The following CNTNAP5 variants were observed in gnomAD, a reference collection of about 807,000 sequenced individuals.
CNTNAP5 encodes contactin associated protein family member 5.
In CNTNAP5, 72 loss-of-function variants were observed where a neutral mutation model predicts 150.2. That is an observed-to-expected ratio of 0.48 (90% CI 0.40 to 0.58). CNTNAP5 has a LOEUF of 0.58. Ranked by LOEUF, CNTNAP5 falls within the 20% of genes least tolerant of loss-of-function variation. The probability of loss-of-function intolerance (pLI) is 0.00; values close to 1 mark genes in which losing one functional copy is unlikely to be tolerated. For synonymous variants in CNTNAP5, 672 were observed against 619.8 expected (o/e 1.08, Z -1.25); for missense variants, 1,636 against 1,626.2 (o/e 1.01, Z -0.10).
chr2:124,309,225 T>C (rs988987811), intron 3 of CNTNAP5, among the ~76,000 whole-genome samples: 6 of 152,152 alleles, frequency 3.9e-5, no homozygotes, highest in African/African-American at 1.4e-4. Context: ...TAACCTATCT[T>C]TGGACTGCAG....
At chr2:124,495,493 G>T (rs536466205) in intron 7 of CNTNAP5, among the ~76,000 whole-genome samples, 2 of 152,306 alleles carry the variant, frequency 1.3e-5, no homozygotes, top group South Asian at 4.1e-4. Context: ...CTGTTTACTG[G>T]TGCCTGTGCA....
chr2:124,293,254 T>C (rs1004626980), intron 3 of CNTNAP5, among the ~76,000 whole-genome samples: 2 of 152,132 alleles, frequency 1.3e-5, no homozygotes, highest in African/African-American at 4.8e-5. Flanking sequence ...CTTCCTCTAC[T>C]GTACTCAACA....
At chr2:124,906,557 CATCTTA>C in intron 22 of CNTNAP5, among the ~76,000 whole-genome samples, 1 of 152,064 alleles carries the variant, frequency 6.6e-6, no homozygotes, top group South Asian at 2.1e-4. Flanking sequence ...AAAGGTGGGA[CATCTTA>C]TTGCATTAAA....
At chr2:124,293,233 G>T (rs887149793) in intron 3 of CNTNAP5, among the ~76,000 whole-genome samples, 2 of 151,852 alleles carry the variant, frequency 1.3e-5, no homozygotes, top group African/African-American at 2.4e-5. Flanking sequence ...AGATCATTTA[G>T]GATAGTTCTA....
intron 19 of CNTNAP5, among the ~76,000 whole-genome samples, chr2:124,847,088 A>T: frequency 6.6e-6 from 1 of 152,200 alleles, no homozygotes; most frequent in East Asian, 1.9e-4. Context: ...AATGCATCAC[A>T]TGTGGCCCTA....
chr2:124,826,561 G>C (rs185949705), intron 19 of CNTNAP5, among the ~76,000 whole-genome samples: 4 of 152,076 alleles, frequency 2.6e-5, no homozygotes, highest in South Asian at 4.2e-4. Flanking sequence ...GGCTACACAG[G>C]GTTTGCAAAG....
chr2:124,629,283 T>A (rs919649375), intron 12 of CNTNAP5, among the ~76,000 whole-genome samples: 6 of 152,170 alleles, frequency 3.9e-5, no homozygotes, highest in African/African-American at 1.4e-4. Context: ...ACAGGGCACT[T>A]ACTCTAAAAT....
At chr2:124,198,807 G>A (rs1685651140) in intron 1 of CNTNAP5, among the ~76,000 whole-genome samples, 1 of 148,250 alleles carries the variant, frequency 6.7e-6, no homozygotes, top group East Asian at 2.0e-4. Flanking sequence ...TAGTCTATCT[G>A]GCATGTATTA....
In CNTNAP5 at chr2:124,074,511, G is replaced by A. The variant is rs539285641; in HGVS notation, c.82+48779G>A. Among the ~76,000 whole-genome samples the A allele has an allele frequency of 2.0e-3, 310 of 152,134 alleles. 1 individual carries two copies. The highest frequency in any genetic ancestry group is 7.3e-3 in the African/African-American group (301 of 41,516). ...AAAATTAAAAAACCATTATTTTAAAGGGAGCAAGTGAGAACAAGGAGAGGA... is the reference window on the plus strand; with the variant it reads ...AAAATTAAAAAACCATTATTTTAAAAGGAGCAAGTGAGAACAAGGAGAGGA... On this transcript the variant is annotated intron_variant, in intron 1 of 23. Coordinates refer to ENST00000682447, the MANE Select transcript of CNTNAP5 (RefSeq NM_001367498.1).
intron 12 of CNTNAP5, among the ~76,000 whole-genome samples, chr2:124,647,372 G>T (rs1322183034): frequency 2.6e-5 from 4 of 151,420 alleles, no homozygotes; most frequent in Non-Finnish European, 4.4e-5. Context: ...GACATCCTAG[G>T]CTCAAGTCCT....
chr2:124,653,917 C>CCCT lies in CNTNAP5; in HGVS notation c.2077+5961_2077+5962insTCC, dbSNP rs1553427445. Among the ~76,000 whole-genome samples, 2 of 137,036 alleles carry CCCT rather than the reference C, an allele frequency of 1.5e-5. 1 individual carries two copies. Among genetic ancestry groups the CCCT allele is most frequent in the South Asian group, 5.2e-4 (2 of 3,812 alleles). The allele number at this position is 137,036 out of a possible 152,430, so 89.9% of individuals were successfully genotyped here. On this transcript the variant is annotated intron_variant, in intron 13 of 23. Coordinates refer to ENST00000682447, the MANE Select transcript of CNTNAP5 (RefSeq NM_001367498.1). ...CATGCCCCCACTGCCCCCAACCCCC[C>CCCT]CCCCCCGCCACACACACACAATCAG... is the stretch of plus-strand genomic sequence containing the variant.
chr2:124,500,157 A>T (rs1450141156), intron 7 of CNTNAP5, among the ~76,000 whole-genome samples: 1 of 152,150 alleles, frequency 6.6e-6, no homozygotes, highest in Non-Finnish European at 1.5e-5. Flanking sequence ...TACTTTGCCA[A>T]GTCCACCAAT....
chr2:124,071,307 C>T (rs1641197702), intron 1 of CNTNAP5, among the ~76,000 whole-genome samples: 1 of 151,654 alleles, frequency 6.6e-6, no homozygotes, highest in African/African-American at 2.4e-5. Flanking sequence ...ACTAGAAAAG[C>T]AGAAACAAAC....
intron 1 of CNTNAP5, among the ~76,000 whole-genome samples, chr2:124,170,003 C>T (rs1000785661): frequency 1.3e-5 from 2 of 152,144 alleles, no homozygotes; most frequent in Non-Finnish European, 2.9e-5. Flanking sequence ...TCAGTATAGA[C>T]TGCACCTACA....
chr2:124,082,726 A>T (rs1682588348), intron 1 of CNTNAP5, among the ~76,000 whole-genome samples: 2 of 152,354 alleles, frequency 1.3e-5, no homozygotes, highest in South Asian at 4.1e-4. Context: ...ATAATCTGTC[A>T]AACTGTATTC....
chr2:124,266,287 A>G (rs1687604868), intron 3 of CNTNAP5, among the ~76,000 whole-genome samples: 1 of 152,190 alleles, frequency 6.6e-6, no homozygotes. Context: ...AGAATTTTCT[A>G]GTCTACAGGA....
chr2:124,077,046 A>T (rs115727472), intron 1 of CNTNAP5, among the ~76,000 whole-genome samples: 10 of 152,296 alleles, frequency 6.6e-5, no homozygotes, highest in Non-Finnish European at 1.5e-4. Flanking sequence ...GTTACTATTA[A>T]GTGGCTGATA....
intron 12 of CNTNAP5, among the ~76,000 whole-genome samples, chr2:124,624,321 G>C (rs1296415779): frequency 6.6e-6 from 1 of 152,180 alleles, no homozygotes; most frequent in African/African-American, 2.4e-5. Flanking sequence ...AACCCACATG[G>C]ATGGTAGCAG....
intron 13 of CNTNAP5, among the ~76,000 whole-genome samples, chr2:124,683,871 C>T (rs1470924113): frequency 6.6e-6 from 1 of 152,130 alleles, no homozygotes; most frequent in Non-Finnish European, 1.5e-5. Context: ...AATCATTTTA[C>T]TTTATTGACT....
Sources: allele counts gnomAD v4.1 joint callset (sites outside exome capture counted in the v4.1 genomes callset), GRCh38; gene constraint gnomAD v4.1.1; transcripts MANE v1.5; gene names NCBI Gene and HGNC (gene_info 2026-07-23, HGNC 2026-07-21).